ANO10: variants seen among roughly 807,000 people sequenced by gnomAD.
ANO10 encodes the protein anoctamin-10.
ANO10 carries 77 observed loss-of-function variants against 74.7 expected under a neutral mutation model. The observed-to-expected ratio is 1.03, with a 90% CI of 0.86 to 1.25. ANO10 has a LOEUF of 1.25. Ranked by LOEUF, ANO10 falls within the 50% of genes most tolerant of loss-of-function variation. The probability of loss-of-function intolerance (pLI) is 0.00; values close to 1 mark genes in which losing one functional copy is unlikely to be tolerated. For missense variants in ANO10, 721 were observed against 778.1 expected (o/e 0.93, Z 0.87); for synonymous variants, 279 against 284.9 (o/e 0.98, Z 0.21).
rs5848663 is a variant in ANO10 at position 43,432,944 on chromosome 3, C to CTTTTTTTTTTTTTTTTTTTTTTT, written c.1798-240_1798-218dup. 3.1e-4 allele frequency among the ~76,000 whole-genome samples: 17 copies of CTTTTTTTTTTTTTTTTTTTTTTT among 55,284 alleles called. 3 individuals are homozygous for CTTTTTTTTTTTTTTTTTTTTTTT. Among genetic ancestry groups the CTTTTTTTTTTTTTTTTTTTTTTT allele is most frequent in the Non-Finnish European group, 4.3e-4 (13 of 30,054 alleles). The allele number at this position is 55,284 out of a possible 152,430, so 36.3% of individuals were successfully genotyped here. On this transcript the variant is annotated intron_variant, in intron 11 of 12. Transcript: ENST00000292246. ...CAGTAATTACTGACTTTGCTTAATT[C>CTTTTTTTTTTTTTTTTTTTTTTT]TTTTTTTTTTTTTTTTTTTTTTTTT...
chr3:43,537,080 A>G (rs1384610734), intron 11 of ANO10, among the ~76,000 whole-genome samples: 1 of 152,028 alleles, frequency 6.6e-6, no homozygotes, highest in Admixed American at 6.6e-5. Context: ...TTAATGTCCA[A>G]ACGTAGACTA....
chr3:43,372,403 T>C (rs1365947630), intron 12 of ANO10, among the ~76,000 whole-genome samples: 3 of 152,200 alleles, frequency 2.0e-5, no homozygotes, highest in African/African-American at 7.2e-5. Context: ...GGGGCTGTAG[T>C]ATGCCACTCC....
intron 1 of ANO10, among the ~76,000 whole-genome samples, chr3:43,659,316 G>A (rs1273509895): frequency 6.6e-6 from 1 of 152,100 alleles, no homozygotes; most frequent in Non-Finnish European, 1.5e-5. Flanking sequence ...GGGAAGCTGT[G>A]AGTGACTGTA....
At chr3:43,626,874 TTC>T (rs369402179), upstream of ANO10, among the ~76,000 whole-genome samples, 2 of 152,150 alleles carry the variant, frequency 1.3e-5, no homozygotes, top group African/African-American at 4.8e-5. Flanking sequence ...TAATACTTCA[TTC>T]TCTCTCTTTA....
At chr3:43,589,993 G>A (rs2081652271) in intron 4 of ANO10, among the ~76,000 whole-genome samples, 1 of 152,150 alleles carries the variant, frequency 6.6e-6, no homozygotes, top group African/African-American at 2.4e-5. Flanking sequence ...AGGGAACAAA[G>A]GGATTTGGAA....
intron 11 of ANO10, among the ~76,000 whole-genome samples, chr3:43,487,129 C>T (rs1488676148): frequency 1.3e-5 from 2 of 148,978 alleles, no homozygotes; most frequent in Middle Eastern, 3.2e-3. Flanking sequence ...TATATTGAAC[C>T]AGCCTTGCAT....
At chr3:43,468,729 G>C (rs1427150823) in intron 11 of ANO10, among the ~76,000 whole-genome samples, 3 of 105,876 alleles carry the variant, frequency 2.8e-5, no homozygotes, top group South Asian at 5.9e-4. Context: ...TTTTTTTTTT[G>C]AGACAGAGTC....
At chr3:43,450,160 A>G (rs889554181) in intron 11 of ANO10, among the ~76,000 whole-genome samples, 7 of 152,184 alleles carry the variant, frequency 4.6e-5, no homozygotes, top group African/African-American at 1.7e-4. Flanking sequence ...AAAGTGGAAA[A>G]ATATTTGAAT....
At chr3:43,575,795 G>A (rs1311078092) in intron 6 of ANO10, among the ~76,000 whole-genome samples, 2 of 151,948 alleles carry the variant, frequency 1.3e-5, no homozygotes, top group Non-Finnish European at 2.9e-5. Flanking sequence ...GTGCCACCAC[G>A]CCCAGCTAAA....
At chr3:43,572,023 G>A (rs1431169311) in intron 7 of ANO10, among the ~76,000 whole-genome samples, 1 of 152,130 alleles carries the variant, frequency 6.6e-6, no homozygotes, top group Non-Finnish European at 1.5e-5. Context: ...AGGAAGACGA[G>A]ATGGTTTAGG....
chr3:43,445,576 A>C (rs2093232934), intron 11 of ANO10, among the ~76,000 whole-genome samples: 1 of 152,228 alleles, frequency 6.6e-6, no homozygotes, highest in African/African-American at 2.4e-5. Context: ...AACTCAGCAA[A>C]ATCTGCTAAA....
chr3:43,454,137 A>C (rs1197854849), intron 11 of ANO10, among the ~76,000 whole-genome samples: 1 of 152,162 alleles, frequency 6.6e-6, no homozygotes, highest in Non-Finnish European at 1.5e-5. Flanking sequence ...GGGGAAAAGC[A>C]TGTTGGGTCA....
Position 43,379,669 on chromosome 3 carries a change from G to A in ANO10, c.1915-12695C>T, listed in dbSNP as rs566362527. Among the ~76,000 whole-genome samples, 3 of 152,248 alleles carry A rather than the reference G, an allele frequency of 2.0e-5. No homozygotes were observed. The South Asian group carries it at 6.2e-4, about 32-fold the overall frequency. On this transcript the variant is annotated intron_variant, in intron 12 of 12. Transcript: ENST00000292246. ...CGCTGTTGTGGGGGCACGGTGGGAG[G>A]GAGACTGGCCTTTTGGGCTGTGGGC...
intron 11 of ANO10, among the ~76,000 whole-genome samples, chr3:43,524,748 T>A (rs1366696035): frequency 1.3e-5 from 2 of 152,076 alleles, no homozygotes; most frequent in Admixed American, 1.3e-4. Context: ...TCTTCCAGCA[T>A]CCTTTATCTC....
rs927389185 is a variant in ANO10, at chr3:43,551,403, T to C, written c.1669-1555A>G. The C allele has an allele frequency of 1.7e-4, 70 of 407,802 alleles. 1 individual carries two copies. Among genetic ancestry groups the C allele is most frequent in the Non-Finnish European group, 2.1e-4 (43 of 205,906 alleles). 25.3% of individuals were successfully genotyped at this position (407,802 alleles called of 1,614,324 possible). ...TTTTAAAATCACCTATATTGAGTTATAATTTACATATAATAAACTGCATGC... is the reference window on the plus strand; with the variant it reads ...TTTTAAAATCACCTATATTGAGTTACAATTTACATATAATAAACTGCATGC... On this transcript the variant is annotated intron_variant, in intron 10 of 12. Transcript: ENST00000292246.
chr3:43,647,899 T>C (rs981832062), intron 1 of ANO10, among the ~76,000 whole-genome samples: 12 of 152,308 alleles, frequency 7.9e-5, no homozygotes, highest in African/African-American at 2.9e-4. Flanking sequence ...CAAGTTTAAA[T>C]ACATGAACAG....
At chr3:43,512,408 T>A (rs950326511) in intron 11 of ANO10, among the ~76,000 whole-genome samples, 1 of 152,220 alleles carries the variant, frequency 6.6e-6, no homozygotes, top group Non-Finnish European at 1.5e-5. Flanking sequence ...AAATAATGAC[T>A]TACGCTTCAT....
chr3:43,643,348 G>C (rs1353386241), intron 1 of ANO10, among the ~76,000 whole-genome samples: 1 of 151,672 alleles, frequency 6.6e-6, no homozygotes, highest in Non-Finnish European at 1.5e-5. Flanking sequence ...TATTTTCAAG[G>C]TAGATTCCTA....
chr3:43,688,355 G>T (rs193140363), intron 1 of ANO10, among the ~76,000 whole-genome samples: 1 of 152,144 alleles, frequency 6.6e-6, no homozygotes, highest in Non-Finnish European at 1.5e-5. Context: ...AGGTGGGATT[G>T]TAGGGCATCA....
Sources: gnomAD v4.1 joint callset for allele counts (sites outside exome capture counted in the v4.1 genomes callset) on GRCh38, gnomAD v4.1.1 for gene constraint, MANE v1.5 for transcripts, NCBI Gene and HGNC (gene_info 2026-07-23, HGNC 2026-07-21) for gene names.